The following GALNT17 variants were observed in gnomAD, a reference collection of about 807,000 sequenced individuals.
GALNT17 encodes the protein UDP-GalNAc:polypeptide N-acetylgalactosaminyltransferase-like 3.
In GALNT17, 29 loss-of-function variants were observed where a neutral mutation model predicts 63.7. The observed-to-expected ratio is 0.46, with a 90% CI of 0.34 to 0.62. The LOEUF is 0.62. Among genes scored for constraint, GALNT17 ranks in the 20% least tolerant of loss-of-function variants. GALNT17 has a pLI of 0.01. For missense variants in GALNT17, 603 were observed against 799.6 expected, an observed-to-expected ratio of 0.75 and a Z score of 2.97; for synonymous variants, 305 against 318.3, an observed-to-expected ratio of 0.96 and a Z score of 0.45.
At chr7:71,469,017 G>A (rs1787583968) in intron 5 of GALNT17, among the ~76,000 whole-genome samples, 1 of 152,142 alleles carries the variant, frequency 6.6e-6, no homozygotes, top group African/African-American at 2.4e-5. Context: ...CAATGACAAA[G>A]TGACATGCGT....
chr7:71,546,362 A>G (rs2116819586), intron 5 of GALNT17, among the ~76,000 whole-genome samples: 1 of 152,078 alleles, frequency 6.6e-6, no homozygotes, highest in East Asian at 1.9e-4. Flanking sequence ...GGGTTTTGTC[A>G]TATTGCCCAG....
chr7:71,653,967 G>A (rs556499014), intron 6 of GALNT17, among the ~76,000 whole-genome samples: 2 of 152,224 alleles, frequency 1.3e-5, no homozygotes, highest in South Asian at 4.1e-4. Flanking sequence ...AGTGGGGTCT[G>A]AGTTTCTGAA....
chr7:71,280,058 T>C (rs187183154), intron 1 of GALNT17, among the ~76,000 whole-genome samples: 39 of 152,290 alleles, frequency 2.6e-4, no homozygotes, highest in African/African-American at 9.1e-4. Context: ...CTGGGTTATA[T>C]GCATGCTTTG....
chr7:71,346,236 C>G (rs964877249), intron 2 of GALNT17, among the ~76,000 whole-genome samples: 1 of 151,300 alleles, frequency 6.6e-6, no homozygotes, highest in African/African-American at 2.4e-5. Context: ...ATTATACTTA[C>G]ATATTATATA....
Position 71,490,762 on chromosome 7 carries a change from A to G in GALNT17, c.962+69657A>G, listed in dbSNP as rs191691767. 2.8e-3 allele frequency among the ~76,000 whole-genome samples: 420 copies of G among 152,178 alleles called. 2 individuals carry two copies. The highest frequency in any genetic ancestry group is 9.6e-3 in the African/African-American group (397 of 41,532). On this transcript the variant is annotated intron_variant, in intron 5 of 10. Coordinates refer to ENST00000333538, the MANE Select transcript of GALNT17 (RefSeq NM_022479.3). ...AAAATATAAACAAATTAGCCAGGCA[A>G]GGTGGCATGTGCCTGTACTCCCAGT...
chr7:71,493,312 AG>A (rs1788040308), intron 5 of GALNT17, among the ~76,000 whole-genome samples: 1 of 152,190 alleles, frequency 6.6e-6, no homozygotes, highest in African/African-American at 2.4e-5. Flanking sequence ...ACTGGGCCCC[AG>A]TTCACCTTCA....
intron 9 of GALNT17, among the ~76,000 whole-genome samples, chr7:71,687,794 G>A (rs547678632): frequency 2.6e-5 from 4 of 152,178 alleles, no homozygotes; most frequent in East Asian, 3.9e-4. Context: ...GCTGGAGTGC[G>A]GTGGTGCAGT....
intron 1 of GALNT17, among the ~76,000 whole-genome samples, chr7:71,303,162 CTTT>C (rs35900409): frequency 6.8e-6 from 1 of 146,714 alleles, no homozygotes; most frequent in Non-Finnish European, 1.5e-5. Context: ...TGCACCCAGC[CTTT>C]TTTTTTTTTG....
chr7:71,392,759 G>T (rs147199740), intron 3 of GALNT17, among the ~76,000 whole-genome samples: 3 of 152,120 alleles, frequency 2.0e-5, no homozygotes, highest in Non-Finnish European at 4.4e-5. Context: ...CCAGGGGACC[G>T]GGAGTTGACG....
chr7:71,634,240 G>A (rs1296233443), intron 6 of GALNT17, among the ~76,000 whole-genome samples: 1 of 152,092 alleles, frequency 6.6e-6, no homozygotes, highest in African/African-American at 2.4e-5. Flanking sequence ...CTGAAGATGG[G>A]GAGTGCCATG....
At chr7:71,433,480 T>C (rs966820567) in intron 5 of GALNT17, among the ~76,000 whole-genome samples, 5 of 152,224 alleles carry the variant, frequency 3.3e-5, no homozygotes, top group Admixed American at 6.5e-5. Context: ...CTAAAAACCA[T>C]TGGCTTGTAC....
chr7:71,641,554 G>A (rs1214316875), intron 6 of GALNT17, among the ~76,000 whole-genome samples: 1 of 152,062 alleles, frequency 6.6e-6, no homozygotes, highest in South Asian at 2.1e-4. Flanking sequence ...ATGTCCTCAC[G>A]TAGTGGAAGG....
chr7:71,687,803 G>GT (rs1791384527), intron 9 of GALNT17, among the ~76,000 whole-genome samples: 1 of 152,116 alleles, frequency 6.6e-6, no homozygotes, highest in African/African-American at 2.4e-5. Context: ...CGGTGGTGCA[G>GT]TCAGCTCACT....
intron 5 of GALNT17, among the ~76,000 whole-genome samples, chr7:71,483,182 T>C (rs1349765971): frequency 6.6e-6 from 1 of 151,988 alleles, no homozygotes; most frequent in African/African-American, 2.4e-5. Context: ...AGTCAGTGAG[T>C]GAGTGGTGAG....
chr7:71,314,230 A>G (rs1357051307), intron 1 of GALNT17, among the ~76,000 whole-genome samples: 5 of 152,002 alleles, frequency 3.3e-5, no homozygotes, highest in African/African-American at 1.2e-4. Flanking sequence ...AAACCAGAAT[A>G]TTGAGTGTGT....
chr7:71,615,360 G>A lies in GALNT17; in HGVS notation c.1080+43958G>A, dbSNP rs111516795. On this transcript the variant is annotated intron_variant, in intron 6 of 10. Transcript: ENST00000333538. ...CCCTCCATCTGCCAGCGAGACCTCC[G>A]AGTCACTGATACTGAGATCATGGGC... Among the ~76,000 whole-genome samples the A allele has an allele frequency of 1.3e-3, 205 of 152,032 alleles. 1 individual carries two copies. Among genetic ancestry groups the A allele is most frequent in the South Asian group, 0.013 (62 of 4,796 alleles).
intron 5 of GALNT17, among the ~76,000 whole-genome samples, chr7:71,532,530 A>G (rs1258073828): frequency 6.6e-6 from 1 of 152,210 alleles, no homozygotes; most frequent in Non-Finnish European, 1.5e-5. Context: ...ACACGGATGT[A>G]AGTGACCAAA....
intron 5 of GALNT17, among the ~76,000 whole-genome samples, chr7:71,462,050 TG>T (rs2116582683): frequency 6.6e-6 from 1 of 152,298 alleles, no homozygotes; most frequent in African/African-American, 2.4e-5. Context: ...AGAGCAGACC[TG>T]CCCCTACTCT....
chr7:71,142,505 C>T (rs972495059), intron 1 of GALNT17, among the ~76,000 whole-genome samples: 11 of 152,194 alleles, frequency 7.2e-5, no homozygotes, highest in Admixed American at 1.3e-4. Context: ...CATTCATATC[C>T]GTTAGTGAGC....
Sources: gnomAD v4.1 joint callset for allele counts (sites outside exome capture counted in the v4.1 genomes callset) on GRCh38, gnomAD v4.1.1 for gene constraint, MANE v1.5 for transcripts, NCBI Gene and HGNC (gene_info 2026-07-23, HGNC 2026-07-21) for gene names.